TCF4: variants seen among roughly 807,000 people sequenced by gnomAD.
The protein encoded by TCF4 is transcription factor 4.
A neutral mutation model predicts 82.1 loss-of-function variants in TCF4; 3 were observed. That is an observed-to-expected ratio of 0.04 (90% CI 0.02 to 0.09). The LOEUF (loss-of-function observed/expected upper bound fraction) is 0.09. Ranked by LOEUF, TCF4 falls within the 10% of genes least tolerant of loss-of-function variation. The pLI, the probability that TCF4 is intolerant of heterozygous loss-of-function variation, is 1.00. For missense variants in TCF4, 518 were observed against 852.7 expected, an observed-to-expected ratio of 0.61 and a Z score of 4.89; for synonymous variants, 276 against 309.6, an observed-to-expected ratio of 0.89 and a Z score of 1.14.
rs1290573769 is a variant in TCF4 at position 55,399,876 on chromosome 18, T to TCACA, written c.369+3577_369+3578insTGTG. 3.4e-5 allele frequency among the ~76,000 whole-genome samples: 4 copies of TCACA among 118,584 alleles called. No homozygotes were observed. The South Asian group carries it at 8.4e-4, about 25-fold the overall frequency. The allele number at this position is 118,584 out of a possible 152,430, so 77.8% of individuals were successfully genotyped here. A position where few individuals can be genotyped will look rare whatever the true frequency, so the allele number is the denominator to read the frequency against. On this transcript the variant is annotated intron_variant, in intron 6 of 19. Coordinates refer to ENST00000354452, the MANE Select transcript of TCF4 (RefSeq NM_001083962.2). ...CCATCTCTCTCTCTCTCTCTCTCTC[T>TCACA]CTCTCACACACACACACACACACAC...
intron 3 of TCF4, among the ~76,000 whole-genome samples, chr18:55,467,173 T>C (rs575349235): frequency 6.6e-6 from 1 of 152,188 alleles, no homozygotes. Context: ...TTTATCCATA[T>C]CCATAGAAGA....
At position 55,313,597 on chromosome 18, in the gene TCF4, T is replaced by C. The variant is rs541429327; in HGVS notation, c.550-33941A>G. ...AGGACAGGGAAGGCATTATTTATTC[T>C]ACTGGCTGAAGAAAGTTTAGATTTC... On this transcript the variant is annotated intron_variant, in intron 8 of 19. Coordinates refer to ENST00000354452, the MANE Select transcript of TCF4 (RefSeq NM_001083962.2). Among the ~76,000 whole-genome samples the C allele has an allele frequency of 3.9e-5, 6 of 152,284 alleles. No homozygotes were observed. The South Asian group carries it at 1.2e-3, about 32-fold the overall frequency.
chr18:55,455,075 T>A (rs911897185), intron 5 of TCF4, among the ~76,000 whole-genome samples: 5 of 149,580 alleles, frequency 3.3e-5, no homozygotes, highest in African/African-American at 1.2e-4. Context: ...TCGTCCCAGC[T>A]GCTCAGCAGG....
chr18:55,253,791 A>C (rs978853926), intron 15 of TCF4, among the ~76,000 whole-genome samples: 1 of 152,126 alleles, frequency 6.6e-6, no homozygotes, highest in South Asian at 2.1e-4. Context: ...TAAAAAAAAA[A>C]CACTAATATT....
At chr18:55,539,497 A>G (rs1028578683) in intron 3 of TCF4, among the ~76,000 whole-genome samples, 9 of 152,216 alleles carry the variant, frequency 5.9e-5, no homozygotes, top group Admixed American at 2.0e-4. Context: ...AAATTGGCAG[A>G]AACTAACAGA....
chr18:55,298,032 T>C (rs1392786685), intron 8 of TCF4, among the ~76,000 whole-genome samples: 2 of 152,190 alleles, frequency 1.3e-5, no homozygotes, highest in Non-Finnish European at 2.9e-5. Context: ...CAGTCTTTTT[T>C]TTAAAGGTGC....
intron 15 of TCF4, among the ~76,000 whole-genome samples, chr18:55,250,009 G>A (rs571099948): frequency 6.6e-6 from 1 of 152,256 alleles, no homozygotes; most frequent in African/African-American, 2.4e-5. Context: ...TTAATATCAG[G>A]ATTAATCATG....
At chr18:55,263,199 TAAG>T (rs2058412282) in intron 11 of TCF4, among the ~76,000 whole-genome samples, 2 of 152,250 alleles carry the variant, frequency 1.3e-5, no homozygotes, top group Admixed American at 6.5e-5. Context: ...TGGCACATGA[TAAG>T]AAGAACACAA....
At chr18:55,389,113 G>A (rs999636368) in intron 6 of TCF4, among the ~76,000 whole-genome samples, 9 of 152,048 alleles carry the variant, frequency 5.9e-5, no homozygotes, top group African/African-American at 1.9e-4. Flanking sequence ...GTGACAGAGC[G>A]AGACTCCATC....
chr18:55,524,137 G>A (rs2096957517), intron 3 of TCF4, among the ~76,000 whole-genome samples: 1 of 151,936 alleles, frequency 6.6e-6, no homozygotes, highest in Non-Finnish European at 1.5e-5. Flanking sequence ...CCTGATATCG[G>A]ATTGAGTATA....
chr18:55,321,417 T>TAGG (rs1338190988), intron 8 of TCF4: 21 of 562,072 alleles, frequency 3.7e-5, no homozygotes, highest in Non-Finnish European at 6.2e-5. Flanking sequence ...ACTTTCGCTC[T>TAGG]AGGATCCACT....
At chr18:55,443,124 C>A (rs2095469554) in intron 5 of TCF4, among the ~76,000 whole-genome samples, 1 of 152,168 alleles carries the variant, frequency 6.6e-6, no homozygotes, top group Non-Finnish European at 1.5e-5. Context: ...TGGTTCGGGT[C>A]AACCTGGACC....
chr18:55,274,965 T>C (rs1194881161), intron 10 of TCF4, among the ~76,000 whole-genome samples: 2 of 152,078 alleles, frequency 1.3e-5, no homozygotes, highest in Non-Finnish European at 2.9e-5. Flanking sequence ...TGTTTAGTAA[T>C]GAAAGACCTA....
At chr18:55,516,541 C>T (rs879793821) in intron 3 of TCF4, among the ~76,000 whole-genome samples, 15 of 151,948 alleles carry the variant, frequency 9.9e-5, no homozygotes, top group Non-Finnish European at 2.2e-4. Context: ...GGAGAGTGAT[C>T]CGGAGGCCTG....
In TCF4 at chr18:55,400,052, T is replaced by A. The variant is rs189039849; in HGVS notation, c.369+3402A>T. ...AAGTAATAACAAGTATTTGTTTTGA[T>A]ATCATCATCTCATTAAAAAAATAGA... On this transcript the variant is annotated intron_variant, in intron 6 of 19. Transcript: ENST00000354452. Among the ~76,000 whole-genome samples the A allele has an allele frequency of 1.4e-4, 22 of 152,202 alleles. 1 individual carries two copies. In the East Asian group the frequency reaches 3.1e-3, roughly 21 times the overall value.
intron 6 of TCF4, among the ~76,000 whole-genome samples, chr18:55,373,767 C>T (rs1313463011): frequency 4.0e-5 from 6 of 151,872 alleles, no homozygotes; most frequent in Non-Finnish European, 1.5e-5. Flanking sequence ...GAGCTGAGAT[C>T]GTGCCACTAC....
chr18:55,440,902 C>T (rs749511761), intron 5 of TCF4, among the ~76,000 whole-genome samples: 6 of 152,106 alleles, frequency 3.9e-5, no homozygotes, highest in Non-Finnish European at 7.4e-5. Context: ...TGTCTGAATA[C>T]GCATGCCTGT....
At chr18:55,247,705 G>C (rs1457954619) in intron 15 of TCF4, among the ~76,000 whole-genome samples, 4 of 152,200 alleles carry the variant, frequency 2.6e-5, no homozygotes, top group Non-Finnish European at 4.4e-5. Flanking sequence ...AAGCAATGGA[G>C]TTCATGACAG....
chr18:55,588,612 A>G, upstream of TCF4: 1 of 1,494,718 alleles, frequency 6.7e-7, no homozygotes, highest in South Asian at 1.3e-5. Flanking sequence ...GTTCCCTCTC[A>G]CTCACACATC....
Sources: gnomAD v4.1 joint callset for allele counts (sites outside exome capture counted in the v4.1 genomes callset) on GRCh38, gnomAD v4.1.1 for gene constraint, MANE v1.5 for transcripts, NCBI Gene and HGNC (gene_info 2026-07-23, HGNC 2026-07-21) for gene names.